SSBP2: variants seen among roughly 807,000 people sequenced by gnomAD.
The protein encoded by SSBP2 is single-stranded DNA-binding protein 2.
SSBP2 carries 17 observed loss-of-function variants against 61.8 expected under a neutral mutation model. That is an observed-to-expected ratio of 0.28 (90% CI 0.19 to 0.41). The LOEUF is 0.41. Among genes scored for constraint, SSBP2 ranks in the 10% least tolerant of loss-of-function variants. The pLI is 1.00. For missense variants in SSBP2, 310 were observed against 458.7 expected (o/e 0.68, Z 2.96); for synonymous variants, 139 against 141.3 (o/e 0.98, Z 0.12).
chr5:81,711,085 C>G (rs899202357), intron 1 of SSBP2, among the ~76,000 whole-genome samples: 6 of 152,030 alleles, frequency 3.9e-5, no homozygotes, highest in South Asian at 2.1e-4. Flanking sequence ...TCTTCCCTTT[C>G]AGGCATAAAC....
intron 1 of SSBP2, among the ~76,000 whole-genome samples, chr5:81,667,010 T>C (rs1751190122): frequency 6.6e-6 from 1 of 152,150 alleles, no homozygotes; most frequent in African/African-American, 2.4e-5. Context: ...TTTGACCTCT[T>C]GCTGTAAACA....
intron 4 of SSBP2, among the ~76,000 whole-genome samples, chr5:81,600,301 G>A (rs1237668956): frequency 1.3e-5 from 2 of 152,014 alleles, no homozygotes; most frequent in African/African-American, 2.4e-5. Context: ...GGTAGCTCAC[G>A]CCTGTAATCC....
At chr5:81,701,308 T>A (rs1312842979) in intron 1 of SSBP2, among the ~76,000 whole-genome samples, 1 of 152,128 alleles carries the variant, frequency 6.6e-6, no homozygotes, top group East Asian at 1.9e-4. Context: ...GTGAGGTTTG[T>A]GGCATCCCAA....
At chr5:81,460,996 G>T in intron 10 of SSBP2, 59 bp downstream of exon 10, 1 of 1,079,808 alleles carries the variant, frequency 9.3e-7, no homozygotes, top group East Asian at 3.2e-5. Context: ...ATGTTTTTGT[G>T]ATTTTTGTTA....
chr5:81,472,423 T>C (rs923873562), intron 8 of SSBP2, among the ~76,000 whole-genome samples: 6 of 152,174 alleles, frequency 3.9e-5, no homozygotes, highest in African/African-American at 1.4e-4. Flanking sequence ...GATAGTATTA[T>C]GCTTGTTCAA....
intron 4 of SSBP2, among the ~76,000 whole-genome samples, chr5:81,552,002 C>CT (rs1772230660): frequency 6.6e-6 from 1 of 152,200 alleles, no homozygotes; most frequent in Non-Finnish European, 1.5e-5. Flanking sequence ...AGTGTATCAA[C>CT]TCACACTTCA....
intron 10 of SSBP2, among the ~76,000 whole-genome samples, chr5:81,456,124 G>A (rs958991978): frequency 3.9e-5 from 6 of 152,080 alleles, no homozygotes; most frequent in Admixed American, 2.6e-4. Context: ...AAAAAAATGA[G>A]CACCTATTTG....
chr5:81,572,082 A>G (rs1370265529), intron 4 of SSBP2, among the ~76,000 whole-genome samples: 2 of 152,190 alleles, frequency 1.3e-5, no homozygotes, highest in African/African-American at 4.8e-5. Flanking sequence ...TAACTATAGT[A>G]CCACACCAGA....
upstream of SSBP2, chr5:81,751,128 C>A: frequency 1.4e-6 from 2 of 1,393,682 alleles, no homozygotes; most frequent in Non-Finnish European, 2.0e-6. Flanking sequence ...CATGGCGACC[C>A]ACGCAGCCAC....
At chr5:81,524,435 A>C (rs1769751541) in intron 4 of SSBP2, among the ~76,000 whole-genome samples, 1 of 152,062 alleles carries the variant, frequency 6.6e-6, no homozygotes, top group African/African-American at 2.4e-5. Context: ...GTGAGATAAT[A>C]AACTCATTGT....
chr5:81,504,930 A>T (rs10036942), intron 5 of SSBP2, among the ~76,000 whole-genome samples: 7,742 of 152,278 alleles, frequency 0.051, 330 homozygotes, highest in African/African-American at 0.12. Context: ...ACCATAACTA[A>T]AACTAAAGGA....
chr5:81,473,664 T>A (rs368001828), intron 8 of SSBP2, 36 bp downstream of exon 8: 1 of 1,598,942 alleles, frequency 6.3e-7, no homozygotes. Flanking sequence ...GTTGGTTCCA[T>A]ATCTTTGCTA....
rs577369015 is a variant in SSBP2 at position 81,593,968 on chromosome 5, C to T, written c.282+21505G>A. Among the ~76,000 whole-genome samples the T allele has an allele frequency of 3.4e-3, 522 of 152,250 alleles. 2 individuals are homozygous for T. Among genetic ancestry groups the T allele is most frequent in the African/African-American group, 0.012 (484 of 41,530 alleles). On this transcript the variant is annotated intron_variant, in intron 4 of 16. Coordinates refer to ENST00000320672, the MANE Select transcript of SSBP2 (RefSeq NM_012446.5). ...AAATAATCAGCTAACATCATAATGA[C>T]AGGATCAAATTCACACATAACAATA...
intron 11 of SSBP2, among the ~76,000 whole-genome samples, chr5:81,447,447 G>A (rs1460903179): frequency 6.6e-6 from 1 of 152,184 alleles, no homozygotes; most frequent in Admixed American, 6.5e-5. Context: ...AGGCAAAGTT[G>A]ACTAATGCTG....
chr5:81,749,235 C>T (rs1209421444), intron 1 of SSBP2, among the ~76,000 whole-genome samples: 1 of 152,130 alleles, frequency 6.6e-6, no homozygotes, highest in Non-Finnish European at 1.5e-5. Flanking sequence ...TACTACTTGT[C>T]ACAGCAACAA....
intron 1 of SSBP2, among the ~76,000 whole-genome samples, chr5:81,715,497 A>G (rs975356899): frequency 4.6e-5 from 7 of 152,212 alleles, no homozygotes; most frequent in Non-Finnish European, 1.0e-4. Context: ...ATAGTTAAGA[A>G]GGTATTTACA....
intron 16 of SSBP2, among the ~76,000 whole-genome samples, chr5:81,420,909 T>C (rs1761566996): frequency 6.6e-6 from 1 of 152,184 alleles, no homozygotes; most frequent in African/African-American, 2.4e-5. Context: ...GTCTAGTCTT[T>C]GCTGTCTACT....
intron 3 of SSBP2, 119 bp from the exon 4 acceptor site, chr5:81,615,676 T>G: frequency 1.6e-6 from 1 of 611,164 alleles, no homozygotes; most frequent in Non-Finnish European, 2.7e-6. Flanking sequence ...TCAGAACAGA[T>G]ATCTATCTGA....
rs1761259320 is a variant in SSBP2, at chr5:81,415,230, A to T, written c.*5274T>A. The T allele has an allele frequency of 2.0e-5, 3 of 152,186 alleles. No individual in the cohort carries two copies. Among genetic ancestry groups the T allele is most frequent in the Admixed American group, 2.0e-4 (3 of 15,276 alleles). The allele number at this position is 152,186 out of a possible 1,614,324, so 9.4% of individuals were successfully genotyped here. On this transcript the variant is annotated 3_prime_UTR_variant, in exon 17 of 17. Coordinates refer to ENST00000320672, the MANE Select transcript of SSBP2 (RefSeq NM_012446.5). Reference sequence around the variant, plus strand: ...TGGATTACTCCCTCCCATACTATACATTCACTGGCCACTTGTATCGATTAA... The same window carrying T: ...TGGATTACTCCCTCCCATACTATACTTTCACTGGCCACTTGTATCGATTAA...
Sources: gnomAD v4.1 joint callset for allele counts (sites outside exome capture counted in the v4.1 genomes callset) on GRCh38, gnomAD v4.1.1 for gene constraint, MANE v1.5 for transcripts, NCBI Gene and HGNC (gene_info 2026-07-23, HGNC 2026-07-21) for gene names.